The following SNTG1 variants were observed in gnomAD, a reference collection of about 807,000 sequenced individuals.
SNTG1 encodes the protein syntrophin gamma 1.
Under a neutral mutation model 74.7 loss-of-function variants are expected in SNTG1, and 39 were observed. The ratio of observed to expected loss-of-function variants is 0.52; its 90% CI spans 0.40 to 0.68. The LOEUF (loss-of-function observed/expected upper bound fraction) is 0.68, where lower values mean the gene tolerates loss of function less well. Among genes scored for constraint, SNTG1 ranks in the 30% least tolerant of loss-of-function variants. SNTG1 has a pLI of 0.00. For missense variants in SNTG1, 685 were observed against 609.5 expected (o/e 1.12, Z -1.30); for synonymous variants, 254 against 217.1 (o/e 1.17, Z -1.49).
chr8:50,551,259 G>A (rs934252952), intron 11 of SNTG1, among the ~76,000 whole-genome samples: 6 of 152,066 alleles, frequency 3.9e-5, no homozygotes, highest in Non-Finnish European at 7.4e-5. Context: ...TCATAAAAGA[G>A]TTTCCATATT....
At chr8:50,347,811 A>G (rs1050722343) in intron 2 of SNTG1, among the ~76,000 whole-genome samples, 6 of 152,230 alleles carry the variant, frequency 3.9e-5, no homozygotes, top group African/African-American at 9.6e-5. Context: ...TTTCAATTCA[A>G]TTGCATGGGT....
At chr8:50,471,982 A>G (rs1294384156) in intron 8 of SNTG1, among the ~76,000 whole-genome samples, 1 of 152,188 alleles carries the variant, frequency 6.6e-6, no homozygotes, top group Non-Finnish European at 1.5e-5. Flanking sequence ...ATTTAGGATT[A>G]AACTTAATGA....
At chr8:50,503,464 C>G (rs568337450) in intron 9 of SNTG1, among the ~76,000 whole-genome samples, 1 of 152,134 alleles carries the variant, frequency 6.6e-6, no homozygotes, top group East Asian at 1.9e-4. Flanking sequence ...CTTGCACAGT[C>G]GGATCAGTTC....
At chr8:50,023,715 C>T (rs1004362804) in intron 1 of SNTG1, among the ~76,000 whole-genome samples, 12 of 152,104 alleles carry the variant, frequency 7.9e-5, no homozygotes, top group African/African-American at 2.2e-4. Flanking sequence ...CCTGCTGCCC[C>T]AGTATGAAGC....
At chr8:50,703,005 G>A (rs574382966) in intron 15 of SNTG1, among the ~76,000 whole-genome samples, 1 of 152,274 alleles carries the variant, frequency 6.6e-6, no homozygotes, top group African/African-American at 2.4e-5. Context: ...GTTGCTCTGG[G>A]TGAGTCAATG....
At chr8:49,950,161 A>G (rs182947604) in intron 1 of SNTG1, among the ~76,000 whole-genome samples, 3 of 152,294 alleles carry the variant, frequency 2.0e-5, no homozygotes, top group African/African-American at 7.2e-5. Flanking sequence ...AATTATTTAA[A>G]AACGCATTCC....
At chr8:50,264,565 G>A (rs1372095227) in intron 2 of SNTG1, among the ~76,000 whole-genome samples, 52 of 149,682 alleles carry the variant, frequency 3.5e-4, no homozygotes, top group South Asian at 6.3e-4. Context: ...GCAAGCCTCC[G>A]TCTCAAAATA....
chr8:50,223,202 T>C (rs1436272010), intron 2 of SNTG1, among the ~76,000 whole-genome samples: 1 of 152,048 alleles, frequency 6.6e-6, no homozygotes. Flanking sequence ...ATTTCTGGGG[T>C]AACAGAACTG....
chr8:50,433,910 G>A lies in SNTG1; in HGVS notation c.163-4633G>A, dbSNP rs559659735. Among the ~76,000 whole-genome samples the A allele has an allele frequency of 8.5e-5, 13 of 152,084 alleles. No individual in the cohort carries two copies. The South Asian group carries it at 1.5e-3, about 17-fold the overall frequency. On this transcript the variant is annotated intron_variant, in intron 4 of 18. Transcript: ENST00000642720. ...TTTTATTTATTTTTTATTATTATACGTTAAGTTCTAGGGTACATGTGCACA... is the reference window on the plus strand; with the variant it reads ...TTTTATTTATTTTTTATTATTATACATTAAGTTCTAGGGTACATGTGCACA...
intron 3 of SNTG1, among the ~76,000 whole-genome samples, chr8:50,396,859 A>G (rs1587466172): frequency 6.6e-6 from 1 of 152,348 alleles, no homozygotes; most frequent in East Asian, 1.9e-4. Flanking sequence ...TGTTTAAGAA[A>G]CTACAAATTC....
chr8:49,999,698 C>T (rs1479287188), intron 1 of SNTG1, among the ~76,000 whole-genome samples: 1 of 152,166 alleles, frequency 6.6e-6, no homozygotes, highest in Non-Finnish European at 1.5e-5. Flanking sequence ...TCTGATGTCA[C>T]CTTCACTGCC....
At chr8:50,394,057 C>G (rs537183555) in intron 2 of SNTG1, among the ~76,000 whole-genome samples, 155 bp from the exon 3 acceptor site, 3 of 152,310 alleles carry the variant, frequency 2.0e-5, no homozygotes, top group Non-Finnish European at 4.4e-5. Context: ...GTTCATTTTC[C>G]TCTCTTCAGT....
intron 1 of SNTG1, among the ~76,000 whole-genome samples, chr8:49,938,582 C>CTTTTCTTTTCTT (rs1808324976): frequency 5.2e-5 from 1 of 19,116 alleles, no homozygotes; most frequent in African/African-American, 1.3e-4. Flanking sequence ...CTTTTCTTTT[C>CTTTTCTTTTCTT]TTTTCTTTTC....
rs181925817 is a variant in SNTG1 at position 50,504,257 on chromosome 8, T to G, written c.466+1377T>G. Among the ~76,000 whole-genome samples, 20 of 152,286 alleles carry G rather than the reference T, an allele frequency of 1.3e-4. 2 individuals are homozygous for G. In the East Asian group the frequency reaches 3.7e-3, roughly 28 times the overall value. On this transcript the variant is annotated intron_variant, in intron 9 of 18. Coordinates refer to ENST00000642720, the MANE Select transcript of SNTG1 (RefSeq NM_018967.5). ...ATCCAGTCTAACACTAATAGGCATT[T>G]AGGTTGATTCTATGTCTTTACTATT...
intron 8 of SNTG1, among the ~76,000 whole-genome samples, chr8:50,451,554 A>G (rs576654343): frequency 6.6e-6 from 1 of 152,284 alleles, no homozygotes; most frequent in Admixed American, 6.5e-5. Flanking sequence ...GTTTAGCAAT[A>G]GACAGAGTAG....
chr8:50,340,969 A>G (rs552188329), intron 2 of SNTG1, among the ~76,000 whole-genome samples: 3 of 152,064 alleles, frequency 2.0e-5, no homozygotes, highest in South Asian at 2.1e-4. Flanking sequence ...TTACTTTTCA[A>G]TTGAGACTTA....
At chr8:50,636,879 A>C (rs538501359) in intron 13 of SNTG1, among the ~76,000 whole-genome samples, 18 of 152,312 alleles carry the variant, frequency 1.2e-4, no homozygotes, top group African/African-American at 4.3e-4. Context: ...ATAATGTCTT[A>C]AACACTATGT....
intron 1 of SNTG1, among the ~76,000 whole-genome samples, chr8:49,993,592 A>G (rs1395004697): frequency 6.6e-6 from 1 of 152,026 alleles, no homozygotes; most frequent in East Asian, 1.9e-4. Context: ...TGTGTGTGAT[A>G]TTCCCCTCCC....
intron 13 of SNTG1, among the ~76,000 whole-genome samples, chr8:50,649,629 A>G (rs2095132112): frequency 1.3e-5 from 2 of 152,186 alleles, no homozygotes; most frequent in South Asian, 4.1e-4. Context: ...CAGGATATAC[A>G]ACAGTGGTTT....
Sources: gnomAD v4.1 joint callset for allele counts (sites outside exome capture counted in the v4.1 genomes callset) on GRCh38, gnomAD v4.1.1 for gene constraint, MANE v1.5 for transcripts, NCBI Gene and HGNC (gene_info 2026-07-23, HGNC 2026-07-21) for gene names.